The following HOOK3 variants were observed in gnomAD, a reference collection of about 807,000 sequenced individuals.
HOOK3 encodes protein Hook homolog 3.
A neutral mutation model predicts 116.3 loss-of-function variants in HOOK3; 24 were observed. The observed-to-expected ratio is 0.21, with a 90% confidence interval of 0.15 to 0.29. The LOEUF (loss-of-function observed/expected upper bound fraction) is 0.29. HOOK3 is among the 10% of genes least tolerant of loss of function. The pLI is 1.00. For missense variants in HOOK3, 632 were observed against 830.2 expected (o/e 0.76, Z 2.93); for synonymous variants, 275 against 283.0 (o/e 0.97, Z 0.28).
chr8:42,906,204 A>G lies in HOOK3; in HGVS notation c.89A>G (p.Gln30Arg), dbSNP rs1807306881. 5 of 1,421,866 alleles carry G rather than the reference A, an allele frequency of 3.5e-6. No individual in the cohort carries two copies. The African/African-American group carries it at 7.7e-5, about 22-fold the overall frequency. 88.1% of individuals were successfully genotyped at this position (1,421,866 alleles called of 1,614,324 possible). ...IQTFNVDAPC[Q>R]TVEDLTNGVV... ...ACATTTAATGTGGATGCACCATGCC[A>G]GACCGTGGAAGATTTAACGAATGGG... is the stretch of plus-strand genomic sequence containing the variant. The change falls in exon 2 of 22, where the codon CAG (glutamine) becomes CGG (arginine). Residue 30 changes from glutamine to arginine, a missense_variant. Gln to Arg is a conservative substitution (Grantham distance 43, BLOSUM62 1). Around this residue, in one of 3 missense-constraint regions of HOOK3, gnomAD observed 141 missense variants for 150.8 expected, o/e 0.93. Transcript: ENST00000307602.
intron 19 of HOOK3, among the ~76,000 whole-genome samples, chr8:43,010,675 A>C (rs909874860): frequency 2.6e-5 from 4 of 152,242 alleles, no homozygotes; most frequent in Non-Finnish European, 4.4e-5. Context: ...AAAATTAACA[A>C]CACCAATTAA....
chr8:42,913,159 A>G (rs565341426), intron 2 of HOOK3, among the ~76,000 whole-genome samples: 1 of 152,168 alleles, frequency 6.6e-6, no homozygotes, highest in East Asian at 1.9e-4. Context: ...TGCACATTTT[A>G]AAAAGGATAC....
At chr8:42,968,944 A>G (rs1586614403) in intron 11 of HOOK3, among the ~76,000 whole-genome samples, 1 of 152,192 alleles carries the variant, frequency 6.6e-6, no homozygotes, top group African/African-American at 2.4e-5. Context: ...AGAACTTTAT[A>G]TAAATGATAC....
chr8:42,922,061 T>C (rs1426516059), intron 2 of HOOK3, among the ~76,000 whole-genome samples: 1 of 152,232 alleles, frequency 6.6e-6, no homozygotes, highest in Admixed American at 6.5e-5. Flanking sequence ...ATCCACGTGC[T>C]AAACAATGAA....
chr8:42,903,614 A>T (rs1231381421), intron 1 of HOOK3, among the ~76,000 whole-genome samples: 1 of 147,426 alleles, frequency 6.8e-6, no homozygotes, highest in African/African-American at 2.5e-5. Context: ...AAGTGCTGGG[A>T]TTACAGACAT....
Position 43,020,751 on chromosome 8 carries a change from A to G in HOOK3, c.*2253A>G. 5.6e-6 allele frequency: 1 copy of G among 179,808 alleles called. No individual in the cohort carries two copies. The highest frequency in any genetic ancestry group is 6.3e-5 in the Admixed American group (1 of 15,862). 11.1% of individuals were successfully genotyped at this position (179,808 alleles called of 1,614,324 possible). On this transcript the variant is annotated 3_prime_UTR_variant, in exon 22 of 22. Transcript: ENST00000307602. ...AATCAATCAATCAAATTGGAATATG[A>G]GCACTAACCTTGGTAAGTTAAAATT... is the stretch of plus-strand genomic sequence containing the variant.
At chr8:42,951,532 ATAG>A (rs755800052) in intron 6 of HOOK3, among the ~76,000 whole-genome samples, 23 of 152,242 alleles carry the variant, frequency 1.5e-4, no homozygotes, top group Non-Finnish European at 2.8e-4. Context: ...ACAGAGACTA[ATAG>A]CTGGTCAAGT....
intron 18 of HOOK3, among the ~76,000 whole-genome samples, chr8:43,008,254 G>A (rs1163313382): frequency 1.3e-5 from 2 of 151,950 alleles, no homozygotes; most frequent in East Asian, 1.9e-4. Flanking sequence ...TCCTGACCTC[G>A]TGATCTGCCC....
intron 12 of HOOK3, 104 bp downstream of exon 12, chr8:42,973,503 AT>A: frequency 1.4e-6 from 1 of 704,202 alleles, no homozygotes; most frequent in Non-Finnish European, 2.2e-6. Context: ...GAATTTAAAA[AT>A]TAGAAATCCT....
chr8:42,903,630 A>G (rs1807240937), intron 1 of HOOK3, among the ~76,000 whole-genome samples: 1 of 149,376 alleles, frequency 6.7e-6, no homozygotes. Context: ...GACATGAGCC[A>G]CCGTGCCCGG....
At chr8:43,009,250 C>A (rs940820797) in intron 18 of HOOK3, among the ~76,000 whole-genome samples, 1 of 151,368 alleles carries the variant, frequency 6.6e-6, no homozygotes, top group Non-Finnish European at 1.5e-5. Context: ...ACTAAAAATA[C>A]AAAAAATTAG....
chr8:43,015,715 C>A (rs1259317027), intron 21 of HOOK3, among the ~76,000 whole-genome samples: 1 of 152,042 alleles, frequency 6.6e-6, no homozygotes, highest in Non-Finnish European at 1.5e-5. Context: ...TTAATAATTT[C>A]ATATTACTAT....
At chr8:42,988,888 C>G (rs1809100842) in intron 15 of HOOK3, among the ~76,000 whole-genome samples, 1 of 152,066 alleles carries the variant, frequency 6.6e-6, no homozygotes, top group African/African-American at 2.4e-5. Flanking sequence ...AATGACTTAC[C>G]CTAAGTTTGT....
chr8:42,917,258 G>A (rs1050904754), intron 2 of HOOK3, among the ~76,000 whole-genome samples: 5 of 152,186 alleles, frequency 3.3e-5, no homozygotes, highest in East Asian at 3.8e-4. Flanking sequence ...CTCACTGAGC[G>A]CGTTGAGGTG....
rs942731801 is a variant in HOOK3, at chr8:43,020,191, T to C, written c.*1693T>C. 5.0e-6 allele frequency: 1 copy of C among 199,138 alleles called. No individual in the cohort carries two copies. The highest frequency in any genetic ancestry group is 1.0e-5 in the Non-Finnish European group (1 of 96,378). 12.3% of individuals were successfully genotyped at this position (199,138 alleles called of 1,614,324 possible). A position where few individuals can be genotyped will look rare whatever the true frequency, so the allele number is the denominator to read the frequency against. ...CCATACATTGTGCTAATTTTTTACA[T>C]TAAGTACAGAAGTCTGAGCACAGCA... On this transcript the variant is annotated 3_prime_UTR_variant, in exon 22 of 22. Coordinates refer to ENST00000307602, the MANE Select transcript of HOOK3 (RefSeq NM_032410.4).
At chr8:42,947,999 T>G (rs940336103) in intron 5 of HOOK3, among the ~76,000 whole-genome samples, 2 of 152,210 alleles carry the variant, frequency 1.3e-5, no homozygotes, top group Non-Finnish European at 2.9e-5. Flanking sequence ...GCTATCTTAC[T>G]TCTCAAATTG....
At chr8:43,004,545 G>A (rs951643776) in intron 17 of HOOK3, among the ~76,000 whole-genome samples, 1 of 151,398 alleles carries the variant, frequency 6.6e-6, no homozygotes, top group Non-Finnish European at 1.5e-5. Flanking sequence ...GCCAGGCATG[G>A]TGGCGCATGC....
intron 2 of HOOK3, among the ~76,000 whole-genome samples, chr8:42,907,995 C>CA (rs1165610598): frequency 6.6e-6 from 1 of 151,860 alleles, no homozygotes; most frequent in Non-Finnish European, 1.5e-5. Flanking sequence ...AATCAACCTA[C>CA]AAAAAATCAG....
intron 5 of HOOK3, among the ~76,000 whole-genome samples, chr8:42,947,590 T>C (rs1325666098): frequency 6.6e-6 from 1 of 152,216 alleles, no homozygotes; most frequent in East Asian, 1.9e-4. Flanking sequence ...TTGAACAAAA[T>C]TTTAACATCT....
Sources: gnomAD v4.1 joint callset for allele counts (sites outside exome capture counted in the v4.1 genomes callset) on GRCh38, gnomAD v4.1.1 for gene constraint, gnomAD v4.1.1 regional missense constraint, MANE v1.5 for transcripts, NCBI Gene and HGNC (gene_info 2026-07-23, HGNC 2026-07-21) for gene names.